GRIK1: variants seen among roughly 807,000 people sequenced by gnomAD.
GRIK1 encodes the protein glutamate ionotropic receptor kainate type subunit 1, also known as glutamate receptor ionotropic, kainate 1.
A neutral mutation model predicts 105.7 loss-of-function variants in GRIK1; 69 were observed. The ratio of observed to expected loss-of-function variants is 0.65; its 90% confidence interval spans 0.54 to 0.80. GRIK1 has a LOEUF of 0.80. Ranked by LOEUF, GRIK1 falls within the 30% of genes least tolerant of loss-of-function variation. GRIK1 has a pLI of 0.00. For missense variants in GRIK1, 1,109 were observed against 1,167.3 expected (o/e 0.95, Z 0.73); for synonymous variants, 438 against 431.3 (o/e 1.02, Z -0.19).
chr21:29,578,400 A>G (rs541275573), intron 13 of GRIK1, among the ~76,000 whole-genome samples: 30 of 152,354 alleles, frequency 2.0e-4, no homozygotes, highest in South Asian at 1.2e-3. Context: ...GGAGTTCACC[A>G]GTCTACCAAT....
intron 7 of GRIK1, among the ~76,000 whole-genome samples, chr21:29,634,598 T>G (rs1489270110): frequency 6.8e-6 from 1 of 146,642 alleles, no homozygotes; most frequent in East Asian, 2.0e-4. Flanking sequence ...TAAATTGACT[T>G]TCTGTCCCAC....
intron 1 of GRIK1, among the ~76,000 whole-genome samples, chr21:29,893,539 T>C (rs796702905): frequency 2.1e-4 from 32 of 152,352 alleles, no homozygotes; most frequent in African/African-American, 7.2e-4. Flanking sequence ...TATATTTATA[T>C]AGCATTTAAA....
At chr21:29,629,200 G>GTGTGTGTC (rs2062202066) in intron 7 of GRIK1, among the ~76,000 whole-genome samples, 1 of 133,706 alleles carries the variant, frequency 7.5e-6, no homozygotes, top group African/African-American at 3.1e-5. Flanking sequence ...AGAAATGTGT[G>GTGTGTGTC]TGTGTGTGTG....
chr21:29,667,127 A>C (rs530312165), intron 4 of GRIK1, among the ~76,000 whole-genome samples: 1 of 152,180 alleles, frequency 6.6e-6, no homozygotes, highest in Non-Finnish European at 1.5e-5. Context: ...TGACTTATAG[A>C]TCTGACTTAG....
At chr21:29,915,261 G>A (rs574989070) in intron 1 of GRIK1, among the ~76,000 whole-genome samples, 1 of 152,014 alleles carries the variant, frequency 6.6e-6, no homozygotes, top group East Asian at 1.9e-4. Context: ...TCTGTGTCCA[G>A]TGCTCAGAGC....
intron 1 of GRIK1, among the ~76,000 whole-genome samples, chr21:29,896,457 T>C (rs2070164089): frequency 6.6e-6 from 1 of 152,152 alleles, no homozygotes; most frequent in South Asian, 2.1e-4. Context: ...AGATGGGGAA[T>C]TTTGTCTGTC....
intron 1 of GRIK1, among the ~76,000 whole-genome samples, chr21:29,764,423 T>C (rs914853910): frequency 6.6e-6 from 1 of 152,224 alleles, no homozygotes; most frequent in African/African-American, 2.4e-5. Flanking sequence ...AGTTAATTAG[T>C]GTTAGTTAAC....
intron 7 of GRIK1, among the ~76,000 whole-genome samples, chr21:29,615,202 G>A (rs1436307356): frequency 6.6e-6 from 1 of 151,602 alleles, no homozygotes; most frequent in Non-Finnish European, 1.5e-5. Flanking sequence ...TAGCAGTCTT[G>A]TATTACAGTT....
intron 1 of GRIK1, among the ~76,000 whole-genome samples, chr21:29,931,241 A>AT (rs2146358599): frequency 6.6e-6 from 1 of 152,084 alleles, no homozygotes; most frequent in African/African-American, 2.4e-5. Flanking sequence ...AGCACATTAC[A>AT]TTTTTCTCAC....
intron 1 of GRIK1, among the ~76,000 whole-genome samples, chr21:29,838,148 G>T (rs1359234776): frequency 6.6e-6 from 1 of 152,134 alleles, no homozygotes; most frequent in Non-Finnish European, 1.5e-5. Flanking sequence ...TGCATTAAAA[G>T]CTCATTGGGT....
chr21:29,540,144 G>A (rs1465943577), intron 16 of GRIK1, among the ~76,000 whole-genome samples: 3 of 151,976 alleles, frequency 2.0e-5, no homozygotes, highest in African/African-American at 7.3e-5. Flanking sequence ...CCCTATTTTG[G>A]GTAGAAGAGT....
chr21:29,776,617 G>A (rs951390503), intron 1 of GRIK1, among the ~76,000 whole-genome samples: 2 of 152,094 alleles, frequency 1.3e-5, no homozygotes, highest in African/African-American at 2.4e-5. Context: ...ATTTATTAAC[G>A]GTGACAAGGA....
chr21:29,889,803 A>G (rs2069824225), intron 1 of GRIK1, among the ~76,000 whole-genome samples: 1 of 152,098 alleles, frequency 6.6e-6, no homozygotes, highest in African/African-American at 2.4e-5. Flanking sequence ...ATATTTTGGC[A>G]TCCTGTATTT....
At chr21:29,872,828 C>A (rs1029640431) in intron 1 of GRIK1, among the ~76,000 whole-genome samples, 2 of 152,128 alleles carry the variant, frequency 1.3e-5, no homozygotes, top group African/African-American at 4.8e-5. Context: ...ACTCAATTAC[C>A]CCCCACTGGG....
chr21:29,595,789 C>T (rs888786620), intron 9 of GRIK1, among the ~76,000 whole-genome samples: 1 of 152,026 alleles, frequency 6.6e-6, no homozygotes. Context: ...TTGCTTACCA[C>T]GGGGACATTT....
intron 9 of GRIK1, among the ~76,000 whole-genome samples, chr21:29,592,231 T>C (rs2061343817): frequency 6.6e-6 from 1 of 152,182 alleles, no homozygotes; most frequent in South Asian, 2.1e-4. Flanking sequence ...CGTCTTCTGT[T>C]ATTATTTATC....
At chr21:29,706,864 T>G (rs2063918496) in intron 1 of GRIK1, among the ~76,000 whole-genome samples, 1 of 152,214 alleles carries the variant, frequency 6.6e-6, no homozygotes, top group Non-Finnish European at 1.5e-5. Flanking sequence ...CAATGGATAT[T>G]CAAGGCATTT....
chr21:29,586,311 A>C (rs1033397576), intron 12 of GRIK1, among the ~76,000 whole-genome samples: 1 of 152,176 alleles, frequency 6.6e-6, no homozygotes, highest in Non-Finnish European at 1.5e-5. Context: ...ATTCAGTTTG[A>C]GTATGTCTGC....
At chr21:29,842,272 C>T (rs1443839065) in intron 1 of GRIK1, among the ~76,000 whole-genome samples, 1 of 151,956 alleles carries the variant, frequency 6.6e-6, no homozygotes, top group African/African-American at 2.4e-5. Flanking sequence ...AGTTCATCTC[C>T]CCGTTTCTGT....
Sources: gnomAD v4.1 joint callset for allele counts (sites outside exome capture counted in the v4.1 genomes callset) on GRCh38, gnomAD v4.1.1 for gene constraint, MANE v1.5 for transcripts, NCBI Gene and HGNC (gene_info 2026-07-23, HGNC 2026-07-21) for gene names.